The following GRID2 variants were observed in gnomAD, a reference collection of about 807,000 sequenced individuals.
The protein encoded by GRID2 is glutamate receptor ionotropic, delta-2.
A neutral mutation model predicts 114.8 loss-of-function variants in GRID2; 33 were observed. The observed-to-expected ratio is 0.29, with a 90% CI of 0.22 to 0.38. GRID2 has a LOEUF of 0.38. GRID2 is among the 10% of genes least tolerant of loss of function. The probability of loss-of-function intolerance (pLI) is 1.00; values close to 1 mark genes in which losing one functional copy is unlikely to be tolerated. For missense variants in GRID2, 1,184 were observed against 1,257.7 expected (o/e 0.94, Z 0.89); for synonymous variants, 505 against 449.9 (o/e 1.12, Z -1.55).
intron 2 of GRID2, among the ~76,000 whole-genome samples, chr4:92,753,663 T>A (rs1737564524): frequency 2.0e-5 from 3 of 152,142 alleles, no homozygotes; most frequent in Non-Finnish European, 4.4e-5. Flanking sequence ...TGAACATGTG[T>A]AAGACTTGGA....
At chr4:92,823,592 A>C (rs1338727939) in intron 2 of GRID2, among the ~76,000 whole-genome samples, 1 of 151,544 alleles carries the variant, frequency 6.6e-6, no homozygotes, top group African/African-American at 2.4e-5. Context: ...ATTTATTAGA[A>C]ACAATCACTG....
chr4:92,391,374 CATAAT>C (rs1306782067), intron 1 of GRID2, among the ~76,000 whole-genome samples: 1 of 152,022 alleles, frequency 6.6e-6, no homozygotes, highest in Non-Finnish European at 1.5e-5. Flanking sequence ...GATTAAAAGT[CATAAT>C]ATATGTAAAG....
intron 2 of GRID2, among the ~76,000 whole-genome samples, chr4:92,637,703 G>A (rs746300742): frequency 4.6e-5 from 7 of 151,930 alleles, no homozygotes; most frequent in South Asian, 2.1e-4. Context: ...ACTTATTTGC[G>A]TGTTCTTTGG....
intron 14 of GRID2, among the ~76,000 whole-genome samples, chr4:93,696,671 G>A (rs1727047932): frequency 6.6e-6 from 1 of 152,068 alleles, no homozygotes; most frequent in African/African-American, 2.4e-5. Context: ...CCAAATTTCA[G>A]GTCCACTTTT....
chr4:93,313,855 A>G (rs1756286376), intron 8 of GRID2, among the ~76,000 whole-genome samples: 1 of 152,192 alleles, frequency 6.6e-6, no homozygotes, highest in African/African-American at 2.4e-5. Flanking sequence ...ACAGTCAAAT[A>G]AGCTGTGACT....
At chr4:93,255,919 T>C (rs1253127528) in intron 8 of GRID2, among the ~76,000 whole-genome samples, 1 of 152,082 alleles carries the variant, frequency 6.6e-6, no homozygotes, top group Non-Finnish European at 1.5e-5. Flanking sequence ...TCTATATAAT[T>C]ACAGTTTTAT....
At chr4:93,691,034 G>T (rs1200610287) in intron 14 of GRID2, among the ~76,000 whole-genome samples, 2 of 150,238 alleles carry the variant, frequency 1.3e-5, no homozygotes, top group Non-Finnish European at 3.0e-5. Context: ...TAGTCTGCTT[G>T]ACTTTTAATA....
intron 8 of GRID2, among the ~76,000 whole-genome samples, chr4:93,239,744 T>A (rs1747262968): frequency 6.6e-6 from 1 of 151,608 alleles, no homozygotes; most frequent in African/African-American, 2.4e-5. Context: ...TCCCATATGC[T>A]TCTCTCTGAT....
chr4:92,671,665 A>T (rs534588826), intron 2 of GRID2, among the ~76,000 whole-genome samples: 104 of 152,202 alleles, frequency 6.8e-4, no homozygotes, highest in African/African-American at 2.3e-3. Flanking sequence ...TAATTGTTGG[A>T]AGTGTTGCGT....
At chr4:92,571,335 A>G (rs932743207) in intron 1 of GRID2, among the ~76,000 whole-genome samples, 9 of 152,286 alleles carry the variant, frequency 5.9e-5, no homozygotes, top group Middle Eastern at 3.4e-3. Flanking sequence ...AGAGCTAACT[A>G]TCCTAAATAT....
intron 2 of GRID2, among the ~76,000 whole-genome samples, chr4:93,050,406 A>G (rs964103891): frequency 6.6e-6 from 1 of 151,968 alleles, no homozygotes; most frequent in African/African-American, 2.4e-5. Flanking sequence ...AATGCAAATA[A>G]AATTCAAAGT....
At chr4:92,334,519 C>T (rs950432886) in intron 1 of GRID2, among the ~76,000 whole-genome samples, 3 of 151,922 alleles carry the variant, frequency 2.0e-5, no homozygotes, top group Admixed American at 6.6e-5. Flanking sequence ...TGTACTGCAT[C>T]ATCCCACGGC....
At chr4:92,975,478 G>T in intron 2 of GRID2, among the ~76,000 whole-genome samples, 1 of 151,872 alleles carries the variant, frequency 6.6e-6, no homozygotes, top group South Asian at 2.1e-4. Context: ...ATATGTATCA[G>T]TACTTATCAA....
chr4:93,425,924 A>G (rs1057454827), intron 10 of GRID2, among the ~76,000 whole-genome samples: 44 of 152,022 alleles, frequency 2.9e-4, no homozygotes, highest in Admixed American at 2.8e-3. Flanking sequence ...AGTCTTTTCT[A>G]TATATTTTTT....
intron 2 of GRID2, among the ~76,000 whole-genome samples, chr4:92,926,190 C>T (rs557648480): frequency 2.1e-4 from 32 of 152,026 alleles, no homozygotes; most frequent in Non-Finnish European, 3.7e-4. Context: ...AAATAAGAAG[C>T]GACTGATGGT....
At chr4:92,760,971 T>G (rs748122424) in intron 2 of GRID2, among the ~76,000 whole-genome samples, 44 of 152,286 alleles carry the variant, frequency 2.9e-4, no homozygotes, top group Non-Finnish European at 4.4e-4. Context: ...ACCCTGCTAG[T>G]CAATTATTAA....
chr4:92,651,160 A>C (rs1033298593), intron 2 of GRID2, among the ~76,000 whole-genome samples: 1 of 152,064 alleles, frequency 6.6e-6, no homozygotes, highest in Non-Finnish European at 1.5e-5. Flanking sequence ...CGGAAAGGAA[A>C]ACCTGTATCC....
At position 93,498,897 on chromosome 4, in the gene GRID2, T is replaced by A. The variant is rs554520604; in HGVS notation, c.1997+8120T>A. On this transcript the variant is annotated intron_variant, in intron 12 of 15. Coordinates refer to ENST00000282020, the MANE Select transcript of GRID2 (RefSeq NM_001510.4). ...CAGTCTTTGACCGTTAGGTATGACA[T>A]TATCTGTAAAGTTTTTTATTGTAGA... 8.5e-5 allele frequency among the ~76,000 whole-genome samples: 13 copies of A among 152,064 alleles called. No homozygotes were observed. In the South Asian group the frequency reaches 2.7e-3, roughly 31 times the overall value.
At chr4:93,505,112 G>A (rs983681967) in intron 12 of GRID2, among the ~76,000 whole-genome samples, 2 of 151,946 alleles carry the variant, frequency 1.3e-5, no homozygotes, top group Non-Finnish European at 2.9e-5. Context: ...GTCAGTTTTA[G>A]GGACTGGTTT....
Sources: gnomAD v4.1 joint callset for allele counts (sites outside exome capture counted in the v4.1 genomes callset) on GRCh38, gnomAD v4.1.1 for gene constraint, MANE v1.5 for transcripts, NCBI Gene and HGNC (gene_info 2026-07-23, HGNC 2026-07-21) for gene names.